The following GGA2 variants were observed in gnomAD, a reference collection of about 807,000 sequenced individuals.
GGA2 encodes golgi associated, gamma adaptin ear containing, ARF binding protein 2.
Under a neutral mutation model 79.5 loss-of-function variants are expected in GGA2, and 48 were observed. The observed-to-expected ratio is 0.60, with a 90% confidence interval of 0.48 to 0.77. The LOEUF is 0.77. GGA2 is among the 30% of genes least tolerant of loss of function. GGA2 has a pLI of 0.00. For missense variants in GGA2, 770 were observed against 774.0 expected (o/e 0.99, Z 0.06); for synonymous variants, 317 against 302.0 (o/e 1.05, Z -0.51).
At chr16:23,502,125 C>A (rs1964927862) in intron 1 of GGA2, among the ~76,000 whole-genome samples, 1 of 152,144 alleles carries the variant, frequency 6.6e-6, no homozygotes, top group Non-Finnish European at 1.5e-5. Context: ...TGGTTCTCTG[C>A]CCACTGAGGC....
At chr16:23,488,410 C>T (rs1353343798) in intron 6 of GGA2, among the ~76,000 whole-genome samples, 196 bp downstream of exon 6, 1 of 152,174 alleles carries the variant, frequency 6.6e-6, no homozygotes, top group African/African-American at 2.4e-5. Context: ...TGAATCAAAA[C>T]AGACTGGCCC....
At chr16:23,514,909 G>A (rs1965094459), upstream of GGA2, among the ~76,000 whole-genome samples, 1 of 152,236 alleles carries the variant, frequency 6.6e-6, no homozygotes, top group Non-Finnish European at 1.5e-5. Flanking sequence ...TTCAGATCTA[G>A]TACGTCTGGA....
chr16:23,479,101 G>C, intron 11 of GGA2, 190 bp from the exon 12 acceptor site: 1 of 612,994 alleles, frequency 1.6e-6, no homozygotes, highest in African/African-American at 1.8e-5. Flanking sequence ...GAACTGCCCA[G>C]AACACCTGAT....
intron 4 of GGA2, among the ~76,000 whole-genome samples, chr16:23,492,086 T>C (rs913093642): frequency 1.3e-5 from 2 of 152,202 alleles, no homozygotes; most frequent in African/African-American, 4.8e-5. Flanking sequence ...TGGACAAGAA[T>C]ATAATAATAA....
At chr16:23,486,393 G>C (rs574988420) in intron 7 of GGA2, among the ~76,000 whole-genome samples, 2 of 152,308 alleles carry the variant, frequency 1.3e-5, no homozygotes, top group East Asian at 3.9e-4. Context: ...CCAGCCTCAA[G>C]TCCTCTGAAA....
At chr16:23,506,603 C>A (rs978626566) in intron 1 of GGA2, among the ~76,000 whole-genome samples, 1 of 152,128 alleles carries the variant, frequency 6.6e-6, no homozygotes, top group Admixed American at 6.5e-5. Flanking sequence ...ACTAAACATC[C>A]TACAGTGCAC....
At chr16:23,497,047 G>C (rs1964865208) in intron 1 of GGA2, among the ~76,000 whole-genome samples, 2 of 95,232 alleles carry the variant, frequency 2.1e-5, no homozygotes, top group Non-Finnish European at 4.4e-5. Flanking sequence ...TGCGGCTGCA[G>C]TGAGCCAAGA....
intron 15 of GGA2, 38 bp downstream of exon 15, chr16:23,469,958 G>T: frequency 3.5e-6 from 5 of 1,422,138 alleles, no homozygotes; most frequent in South Asian, 3.3e-5. Flanking sequence ...ACTCAAAAAC[G>T]ACAGCCATTA....
At chr16:23,487,430 C>G (rs1227108423) in intron 6 of GGA2, among the ~76,000 whole-genome samples, 3 of 152,144 alleles carry the variant, frequency 2.0e-5, no homozygotes, top group African/African-American at 4.8e-5. Context: ...GAACATCCTA[C>G]AGTGCACAGG....
intron 3 of GGA2, chr16:23,493,902 A>G: frequency 3.5e-6 from 1 of 282,840 alleles, no homozygotes; most frequent in South Asian, 4.8e-5. Context: ...CAAATTAGTC[A>G]CCAACATCTA....
intron 11 of GGA2, 53 bp downstream of exon 11, chr16:23,479,712 C>T: frequency 1.2e-6 from 2 of 1,603,748 alleles, no homozygotes; most frequent in South Asian, 1.1e-5. Context: ...AACCAGCTCA[C>T]TCCCCTACTC....
Position 23,510,428 on chromosome 16 carries a change from C to CCGCGGCCGCCGCCA in GGA2, c.-18_-17insTGGCGGCGGCCGCG, listed in dbSNP as rs1965027885. 6 of 1,121,266 alleles carry CCGCGGCCGCCGCCA rather than the reference C, an allele frequency of 5.4e-6. No homozygotes were observed. The highest frequency in any genetic ancestry group is 7.0e-6 in the Non-Finnish European group (6 of 862,052). The allele number at this position is 1,121,266 out of a possible 1,614,324, so 69.5% of individuals were successfully genotyped here. On this transcript the variant is annotated 5_prime_UTR_variant, in exon 1 of 17. The change creates a new upstream start codon in the 5' untranslated region. Coordinates refer to ENST00000309859, the MANE Select transcript of GGA2 (RefSeq NM_015044.4). ...CGCCGCCATCGCTCCAGCCCCGACG[C>CCGCGGCCGCCGCCA]TGCGGCCGCGGGCGCCACTGCCTCT...
chr16:23,470,819 T>C (rs999497839), intron 14 of GGA2, among the ~76,000 whole-genome samples: 2 of 130,492 alleles, frequency 1.5e-5, no homozygotes, highest in African/African-American at 5.6e-5. Flanking sequence ...AAAAATGAAA[T>C]AAATGCTTTT....
At chr16:23,519,773 A>G (rs1321095476) in intron 1 of GGA2, 4 of 215,354 alleles carry the variant, frequency 1.9e-5, no homozygotes, top group Non-Finnish European at 4.0e-5. Context: ...TGTGAGGTCC[A>G]GTTGGAAGTC....
upstream of GGA2, among the ~76,000 whole-genome samples, chr16:23,515,434 T>C (rs1262484508): frequency 6.6e-6 from 1 of 151,522 alleles, no homozygotes; most frequent in Non-Finnish European, 1.5e-5. Context: ...CCTTCTCTAC[T>C]AAAAATACAA....
chr16:23,480,748 G>A lies in GGA2; in HGVS notation c.903C>T (p.Asp301=), dbSNP rs752455578. Reference sequence around the variant, plus strand: ...ACAGCAGAACTCCTTGGGTGAGGAGGTCATTTGCCTGGAGAATTTCCGCTG... The same window carrying A: ...ACAGCAGAACTCCTTGGGTGAGGAGATCATTTGCCTGGAGAATTTCCGCTG... ...DALAEILQAN[D]LLTQGVLLYK... The change falls in exon 10 of 17, where the codon GAC becomes GAT. Residue 301 remains aspartate, a synonymous_variant. Coordinates refer to ENST00000309859, the MANE Select transcript of GGA2 (RefSeq NM_015044.4). 6.2e-7 allele frequency: 1 copy of A among 1,610,548 alleles called. No individual in the cohort carries two copies. The highest frequency in any genetic ancestry group is 1.1e-5 in the South Asian group (1 of 90,996).
At chr16:23,510,016 C>A (rs1317888030) in intron 1 of GGA2, among the ~76,000 whole-genome samples, 1 of 144,290 alleles carries the variant, frequency 6.9e-6, no homozygotes, top group Admixed American at 7.2e-5. Context: ...CAGTGCCTGG[C>A]GCAGGGGAAA....
Position 23,465,274 on chromosome 16 carries a change from T to C in GGA2, c.*2316A>G, listed in dbSNP as rs1964421143. The C allele has an allele frequency of 2.9e-6, 2 of 697,896 alleles. No homozygotes were observed. The highest frequency in any genetic ancestry group is 5.2e-6 in the Non-Finnish European group (2 of 382,446). 43.2% of individuals were successfully genotyped at this position (697,896 alleles called of 1,614,324 possible). A position where few individuals can be genotyped will look rare whatever the true frequency, so the allele number is the denominator to read the frequency against. On this transcript the variant is annotated 3_prime_UTR_variant, in exon 17 of 17. Transcript: ENST00000309859. The stretch of plus-strand genomic sequence containing the variant: ...TGCTGGGATTATAGGCGTGAGCCAC[T>C]GTGCACAGCCAATAACTACTTGTTA...
intron 5 of GGA2, among the ~76,000 whole-genome samples, chr16:23,489,929 C>T (rs962273214): frequency 2.7e-5 from 4 of 149,284 alleles, no homozygotes; most frequent in Admixed American, 1.3e-4. Flanking sequence ...GGAATTATGT[C>T]CTGGGCCCAG....
Sources: gnomAD v4.1 joint callset for allele counts (sites outside exome capture counted in the v4.1 genomes callset) on GRCh38, gnomAD v4.1.1 for gene constraint, MANE v1.5 for transcripts, NCBI Gene and HGNC (gene_info 2026-07-23, HGNC 2026-07-21) for gene names.